Variants in ZNF273 observed in about 807,000 individuals in gnomAD.
ZNF273 encodes zinc finger protein 273.
ZNF273 carries 11 observed loss-of-function variants against 14.9 expected under a neutral mutation model. The ratio of observed to expected loss-of-function variants is 0.74; its 90% confidence interval spans 0.46 to 1.22. ZNF273 has a LOEUF of 1.22. Ranked by LOEUF, ZNF273 falls within the 50% of genes most tolerant of loss-of-function variation. The probability of loss-of-function intolerance (pLI) is 0.00; values close to 1 mark genes in which losing one functional copy is unlikely to be tolerated. For synonymous variants in ZNF273, 199 were observed against 223.9 expected (o/e 0.89, Z 0.99); for missense variants, 577 against 660.6 (o/e 0.87, Z 1.39).
At chr7:64,924,771 G>A (rs1049333875) in intron 3 of ZNF273, among the ~76,000 whole-genome samples, 2 of 151,038 alleles carry the variant, frequency 1.3e-5, no homozygotes, top group Non-Finnish European at 2.9e-5. Flanking sequence ...GCTGAGTCTT[G>A]TAGAAAGGCA....
At chr7:64,933,932 A>G (rs1309147895), downstream of ZNF273, among the ~76,000 whole-genome samples, 1 of 152,152 alleles carries the variant, frequency 6.6e-6, no homozygotes, top group Non-Finnish European at 1.5e-5. Context: ...TTTCAGTATT[A>G]GCATATACAA....
intron 1 of ZNF273, among the ~76,000 whole-genome samples, chr7:64,912,615 G>A (rs1029037807): frequency 1.9e-4 from 29 of 152,070 alleles, no homozygotes; most frequent in African/African-American, 1.2e-4. Flanking sequence ...CATGTCCTGA[G>A]ACCTGGCTGT....
chr7:64,928,573 AACTCTT>A lies in ZNF273; in HGVS notation c.1249_1254del (p.Leu417_Thr418del). On this transcript the variant is annotated inframe_deletion, in exon 4 of 4. Transcript: ENST00000476120. ...GTGGTAAAGCCTTTAAACGGTCCAC[AACTCTT>A]ACTAAACATAAGAGAATTTATACTA... is the stretch of plus-strand genomic sequence containing the variant. 1 of 1,613,846 alleles carries A rather than the reference AACTCTT, an allele frequency of 6.2e-7. No homozygotes were observed. The highest frequency in any genetic ancestry group is 8.5e-7 in the Non-Finnish European group (1 of 1,179,854).
In ZNF273 at chr7:64,927,970, A is replaced by C. The variant is rs1259746641; in HGVS notation, c.642A>C (p.Ser214=). The change falls in exon 4 of 4, where the codon TCA becomes TCC. Residue 214 remains serine (S), a synonymous_variant. Coordinates refer to ENST00000476120, the MANE Select transcript of ZNF273 (RefSeq NM_021148.3). ...KPFKCKECGK[S]CCILSQLTQH... is the part of the protein sequence containing the mutation. ...TCAAATGTAAAGAATGTGGCAAATCATGTTGCATACTTTCACAACTAACTC... is the reference window on the plus strand; with the variant it reads ...TCAAATGTAAAGAATGTGGCAAATCCTGTTGCATACTTTCACAACTAACTC... 1 of 1,613,948 alleles carries C rather than the reference A, an allele frequency of 6.2e-7. No individual in the cohort carries two copies. Among genetic ancestry groups the C allele is most frequent in the Non-Finnish European group, 8.5e-7 (1 of 1,179,910 alleles).
chr7:64,902,689 G>A (rs1583979357), upstream of ZNF273, among the ~76,000 whole-genome samples: 1 of 151,414 alleles, frequency 6.6e-6, no homozygotes, highest in East Asian at 1.9e-4. Flanking sequence ...CAGCCTGGAA[G>A]ACAGAGCGAG....
At chr7:64,909,834 C>T (rs1032900403) in intron 1 of ZNF273, among the ~76,000 whole-genome samples, 4 of 148,266 alleles carry the variant, frequency 2.7e-5, no homozygotes, top group South Asian at 2.1e-4. Flanking sequence ...TTGCAAGCAT[C>T]GTTTTTTTTT....
chr7:64,918,235 G>A lies in ZNF273; in HGVS notation c.268G>A (p.Glu90Lys), dbSNP rs1189614497. Residue 90 changes from glutamate to lysine, a missense_variant, in exon 3 of 4, where the codon GAG becomes AAG. Glu to Lys is a moderately conservative substitution (Grantham distance 56). Coordinates refer to ENST00000476120, the MANE Select transcript of ZNF273 (RefSeq NM_021148.3). ...VSKPDLITCL[E>K]QGKEPCNMKR... ...TAAGCCAGACCTGATCACTTGTCTG[G>A]AGCAAGGAAAAGAGCCCTGCAATAT... 6.4e-7 allele frequency: 1 copy of A among 1,570,102 alleles called. No individual in the cohort carries two copies. The highest frequency in any genetic ancestry group is 8.7e-7 in the Non-Finnish European group (1 of 1,154,330).
At chr7:64,881,756 T>C (rs376977840), downstream of ZNF273, among the ~76,000 whole-genome samples, 48 of 152,318 alleles carry the variant, frequency 3.2e-4, no homozygotes, top group East Asian at 2.7e-3. Flanking sequence ...TGGGGTTGTT[T>C]GAACTCTGCG....
At chr7:64,914,648 G>A (rs1169950291) in intron 1 of ZNF273, among the ~76,000 whole-genome samples, 1 of 152,182 alleles carries the variant, frequency 6.6e-6, no homozygotes, top group South Asian at 2.1e-4. Flanking sequence ...TGTGGCAAGG[G>A]AGGGCACCTG....
At position 64,917,771 on chromosome 7, in the gene ZNF273, G is replaced by A. The variant is rs997613184; in HGVS notation, c.229+64G>A. The A allele has an allele frequency of 2.0e-6, 3 of 1,482,464 alleles. No individual in the cohort carries two copies. In the Admixed American group the frequency reaches 7.1e-5, roughly 35 times the overall value. The allele number at this position is 1,482,464 out of a possible 1,614,324, so 91.8% of individuals were successfully genotyped here. A position where few individuals can be genotyped will look rare whatever the true frequency, so the allele number is the denominator to read the frequency against. On this transcript the variant is annotated intron_variant, in intron 2 of 3. Transcript: ENST00000476120. ...TCTCCTTTCTGTAGAATGTTTTTTG[G>A]AAATTTCTGCTTTGCATAAATAAAT...
At chr7:64,905,141 A>C (rs1793007541) in intron 1 of ZNF273, among the ~76,000 whole-genome samples, 1 of 116,840 alleles carries the variant, frequency 8.6e-6, no homozygotes, top group Admixed American at 1.2e-4. Flanking sequence ...TTTTTGAGAC[A>C]GTCTCATTCT....
Position 64,927,711 on chromosome 7 carries a change from T to C in ZNF273, c.383T>C (p.Phe128Ser). 1 of 1,606,644 alleles carries C rather than the reference T, an allele frequency of 6.2e-7. No homozygotes were observed. The stretch of plus-strand genomic sequence containing the variant: ...CCAAAGCAGGGCTTAAAAGATTCTT[T>C]TCAAAAAGTGATACTGAGAAGATAT... ...LWPKQGLKDS[F>S]QKVILRRYGK... Residue 128 changes from phenylalanine to serine, a missense_variant, in exon 4 of 4, where the codon TTT (phenylalanine) becomes TCT (serine). Physicochemically the swap from Phe to Ser is radical, Grantham distance 155. This residue lies in a region of ZNF273 where 162 missense variants were observed against 203.5 expected (regional missense o/e 0.80). Coordinates refer to ENST00000476120, the MANE Select transcript of ZNF273 (RefSeq NM_021148.3).
chr7:64,887,172 T>TG (rs1323258978), intron 1 of ZNF273, among the ~76,000 whole-genome samples: 1 of 152,234 alleles, frequency 6.6e-6, no homozygotes, highest in Non-Finnish European at 1.5e-5. Flanking sequence ...GCTAGGTCTA[T>TG]CATTATTTTC....
intron 3 of ZNF273, among the ~76,000 whole-genome samples, chr7:64,922,747 A>G (rs530725645): frequency 2.7e-5 from 4 of 150,082 alleles, no homozygotes; most frequent in Non-Finnish European, 5.9e-5. Flanking sequence ...AGTAGATTAC[A>G]TGAGGTCAGG....
chr7:64,902,807 T>C (rs1020821958), upstream of ZNF273, among the ~76,000 whole-genome samples: 4 of 152,168 alleles, frequency 2.6e-5, no homozygotes, highest in African/African-American at 4.8e-5. Context: ...TTGCATTCTT[T>C]TGAGTTCCTG....
At chr7:64,896,787 A>G (rs973942462) in intron 3 of ZNF273, among the ~76,000 whole-genome samples, 2 of 152,214 alleles carry the variant, frequency 1.3e-5, no homozygotes, top group African/African-American at 4.8e-5. Context: ...ATCATAAGTT[A>G]TAGTATTAAA....
chr7:64,903,172 T>G, upstream of ZNF273: 1 of 606,484 alleles, frequency 1.6e-6, no homozygotes, highest in Non-Finnish European at 2.9e-6. Context: ...AGGGGGCGGG[T>G]CCTTAAACAT....
downstream of ZNF273, among the ~76,000 whole-genome samples, chr7:64,891,052 C>T (rs1792000108): frequency 6.6e-6 from 1 of 152,232 alleles, no homozygotes. Context: ...ATAGAGCCTC[C>T]TCTTTCTGCC....
intron 1 of ZNF273, among the ~76,000 whole-genome samples, chr7:64,886,062 A>C (rs1193585875): frequency 7.4e-6 from 1 of 136,040 alleles, no homozygotes; most frequent in African/African-American, 2.7e-5. Flanking sequence ...TAGGTGGGGG[A>C]AACCACACTG....
Sources: allele counts gnomAD v4.1 joint callset (sites outside exome capture counted in the v4.1 genomes callset), GRCh38; gene constraint gnomAD v4.1.1; regional missense constraint gnomAD v4.1.1; transcripts MANE v1.5; gene names NCBI Gene and HGNC (gene_info 2026-07-23, HGNC 2026-07-21).